Variants in CDH5 observed in about 807,000 individuals in gnomAD.
CDH5 encodes cadherin 5.
A neutral mutation model predicts 62.0 loss-of-function variants in CDH5; 28 were observed. The observed-to-expected ratio is 0.45, with a 90% CI of 0.33 to 0.62. CDH5 has a LOEUF of 0.62. Ranked by LOEUF, CDH5 falls within the 20% of genes least tolerant of loss-of-function variation. CDH5 has a pLI of 0.02. For synonymous variants in CDH5, 464 were observed against 445.8 expected (o/e 1.04, Z -0.52); for missense variants, 940 against 1,065.1 (o/e 0.88, Z 1.63).
intron 6 of CDH5, 42 bp downstream of exon 6, chr16:66,390,632 G>A (rs1250724158): frequency 8.2e-6 from 13 of 1,585,276 alleles, no homozygotes; most frequent in South Asian, 1.1e-5. Flanking sequence ...TGAGGCTTGG[G>A]GCTCTTGGCA....
At chr16:66,368,044 G>A (rs998236455) in intron 1 of CDH5, among the ~76,000 whole-genome samples, 1 of 152,224 alleles carries the variant, frequency 6.6e-6, no homozygotes, top group African/African-American at 2.4e-5. Flanking sequence ...GGGGGTGCAA[G>A]TGAGAGGACA....
At chr16:66,383,164 A>C (rs1160998414) in intron 2 of CDH5, among the ~76,000 whole-genome samples, 1 of 152,074 alleles carries the variant, frequency 6.6e-6, no homozygotes, top group Non-Finnish European at 1.5e-5. Flanking sequence ...GAAACATGAC[A>C]CCTCTGTGGA....
chr16:66,367,208 C>T (rs1044801662), intron 1 of CDH5, among the ~76,000 whole-genome samples: 1 of 152,224 alleles, frequency 6.6e-6, no homozygotes, highest in East Asian at 1.9e-4. Flanking sequence ...CCTACCCATA[C>T]GCCACTAAAG....
intron 2 of CDH5, among the ~76,000 whole-genome samples, chr16:66,379,983 TCACG>T: frequency 2.6e-5 from 1 of 38,384 alleles, no homozygotes; most frequent in Non-Finnish European, 5.8e-5. Context: ...TTGGTGGTGA[TCACG>T]GTGATGGTGG....
intron 10 of CDH5, among the ~76,000 whole-genome samples, chr16:66,399,489 T>A (rs1961244565): frequency 6.6e-6 from 1 of 152,000 alleles, no homozygotes; most frequent in Non-Finnish European, 1.5e-5. Context: ...GGGAGTGGGG[T>A]CCCTGAAAGT....
chr16:66,401,125 A>T, intron 11 of CDH5, 109 bp downstream of exon 11: 1 of 1,416,250 alleles, frequency 7.1e-7, no homozygotes, highest in Non-Finnish European at 9.8e-7. Flanking sequence ...GTTCAGGCCC[A>T]ACCCTGCCTC....
chr16:66,374,791 T>G (rs116457610), intron 1 of CDH5, among the ~76,000 whole-genome samples: 93 of 152,202 alleles, frequency 6.1e-4, no homozygotes, highest in African/African-American at 2.1e-3. Flanking sequence ...TTGTTTAATT[T>G]TATTTATTTA....
At chr16:66,389,242 T>G (rs2142329150) in intron 4 of CDH5, 116 bp from the exon 5 acceptor site, 2 of 979,058 alleles carry the variant, frequency 2.0e-6, no homozygotes, top group Non-Finnish European at 3.0e-6. Flanking sequence ...CTCAGCCCCA[T>G]TTGCACAGTG....
intron 6 of CDH5, among the ~76,000 whole-genome samples, chr16:66,390,972 T>C (rs1004623384): frequency 6.6e-6 from 1 of 152,210 alleles, no homozygotes; most frequent in Non-Finnish European, 1.5e-5. Context: ...TCTCTGGCAC[T>C]TTCTGGCCTG....
intron 1 of CDH5, among the ~76,000 whole-genome samples, chr16:66,371,774 C>CAGGGGCAGGACCAGCCCAGGGGCTG (rs748497962): frequency 3.3e-5 from 5 of 152,216 alleles, no homozygotes; most frequent in Non-Finnish European, 7.4e-5. Context: ...TCCTGGTGCT[C>CAGGGGCAGGACCAGCCCAGGGGCTG]AGGGGCAGGA....
rs114340564 is a variant in CDH5, at chr16:66,379,709, G to C, written c.210+162G>C. On this transcript the variant is annotated intron_variant, in intron 2 of 11. Transcript: ENST00000341529. ...GGTGGTAGCAATAGTGGTAGAGGTC[G>C]TGGTGGTAGAAGTAGTGGTGGTAAT... 5.4e-3 allele frequency: 3,558 copies of C among 659,574 alleles called. 62 individuals are homozygous for C. Among genetic ancestry groups the C allele is most frequent in the African/African-American group, 0.035 (1,930 of 55,824 alleles). The allele number at this position is 659,574 out of a possible 1,614,324, so 40.9% of individuals were successfully genotyped here. A position where few individuals can be genotyped will look rare whatever the true frequency, so the allele number is the denominator to read the frequency against.
At chr16:66,368,539 C>T (rs949181253) in intron 1 of CDH5, among the ~76,000 whole-genome samples, 2 of 152,350 alleles carry the variant, frequency 1.3e-5, no homozygotes, top group Admixed American at 6.5e-5. Flanking sequence ...GACTTGGGGA[C>T]ACCCAGGGGA....
intron 8 of CDH5, among the ~76,000 whole-genome samples, chr16:66,396,466 T>C (rs1198433507): frequency 6.6e-6 from 1 of 152,184 alleles, no homozygotes; most frequent in African/African-American, 2.4e-5. Flanking sequence ...TGAAAACCAC[T>C]GTCATGAAAC....
chr16:66,398,039 A>T lies in CDH5; in HGVS notation c.1418A>T (p.Asn473Ile), dbSNP rs1376449203. ...GTCCACATTGAAGTTTTGGATGAGA[A>T]TGACAATGCCCCGGAGTTTGCCAAG... ...VQVHIEVLDENDNAPEFAKPY... is the reference protein window; with the variant it reads ...VQVHIEVLDEIDNAPEFAKPY... The change falls in exon 9 of 12, where the codon AAT becomes ATT. Residue 473 changes from asparagine (N) to isoleucine (I), a missense_variant. Physicochemically the swap from Asn to Ile is moderately radical, Grantham distance 149 (BLOSUM62 -3). Coordinates refer to ENST00000341529, the MANE Select transcript of CDH5 (RefSeq NM_001795.5). The T allele has an allele frequency of 6.2e-7, 1 of 1,614,196 alleles. No homozygotes were observed. Among genetic ancestry groups the T allele is most frequent in the Non-Finnish European group, 8.5e-7 (1 of 1,180,024 alleles).
intron 2 of CDH5, 95 bp from the exon 3 acceptor site, chr16:66,386,714 T>A: frequency 8.7e-7 from 1 of 1,145,596 alleles, no homozygotes; most frequent in Non-Finnish European, 1.3e-6. Context: ...CATACACACA[T>A]GCACAGGCAC....
intron 1 of CDH5, among the ~76,000 whole-genome samples, chr16:66,379,031 A>AGAAGGC (rs1258651613): frequency 1.3e-4 from 20 of 152,246 alleles, no homozygotes; most frequent in Admixed American, 1.3e-3. Flanking sequence ...AAGAATAAGC[A>AGAAGGC]GAAGGCAGCT....
intron 6 of CDH5, among the ~76,000 whole-genome samples, chr16:66,391,822 A>G (rs1164466305): frequency 3.3e-5 from 5 of 152,212 alleles, no homozygotes; most frequent in Admixed American, 6.5e-5. Context: ...TAGAACCACT[A>G]GTGACGCTCT....
chr16:66,385,408 T>G (rs115222181), intron 2 of CDH5, among the ~76,000 whole-genome samples: 3 of 152,224 alleles, frequency 2.0e-5, no homozygotes, highest in Non-Finnish European at 4.4e-5. Flanking sequence ...CTAAGAAGTA[T>G]GGAAAATCCT....
intron 2 of CDH5, among the ~76,000 whole-genome samples, chr16:66,385,919 C>T (rs573481157): frequency 1.3e-5 from 2 of 152,208 alleles, no homozygotes; most frequent in African/African-American, 4.8e-5. Flanking sequence ...CTGATACAAT[C>T]CAGCGCCAGC....
Sources: allele counts gnomAD v4.1 joint callset (sites outside exome capture counted in the v4.1 genomes callset), GRCh38; gene constraint gnomAD v4.1.1; transcripts MANE v1.5; gene names NCBI Gene and HGNC (gene_info 2026-07-23, HGNC 2026-07-21).